The following ATE1 variants were observed in gnomAD, a reference collection of about 807,000 sequenced individuals.
The protein encoded by ATE1 is arginyltransferase 1, also known as arginyl-tRNA--protein transferase 1.
In ATE1, 36 loss-of-function variants were observed where a neutral mutation model predicts 70.5. That is an observed-to-expected ratio of 0.51 (90% CI 0.39 to 0.67). The LOEUF (loss-of-function observed/expected upper bound fraction) is 0.67. Ranked by LOEUF, ATE1 falls within the 30% of genes least tolerant of loss-of-function variation. The pLI, the probability that ATE1 is intolerant of heterozygous loss-of-function variation, is 0.00. For synonymous variants in ATE1, 232 were observed against 219.3 expected, an observed-to-expected ratio of 1.06 and a Z score of -0.51; for missense variants, 593 against 629.5, an observed-to-expected ratio of 0.94 and a Z score of 0.62.
At position 121,867,242 on chromosome 10, in the gene ATE1, C is replaced by A. The variant is rs992943789; in HGVS notation, c.975+2764G>T. On this transcript the variant is annotated intron_variant, in intron 8 of 11. Transcript: ENST00000224652. Reference sequence around the variant, plus strand: ...ACAGGGTCCTCTCTCAATGAGCTTACATTTGAGAGACGTCAACTGTTAAGA... The same window carrying A: ...ACAGGGTCCTCTCTCAATGAGCTTAAATTTGAGAGACGTCAACTGTTAAGA... Among the ~76,000 whole-genome samples the A allele has an allele frequency of 2.6e-5, 4 of 152,168 alleles. No homozygotes were observed. The East Asian group carries it at 7.7e-4, about 29-fold the overall frequency.
chr10:121,841,245 C>A lies in ATE1; in HGVS notation c.994G>T (p.Gly332Trp). The A allele has an allele frequency of 6.6e-7, 1 of 1,520,852 alleles. No individual in the cohort carries two copies. 94.2% of individuals were successfully genotyped at this position (1,520,852 alleles called of 1,614,324 possible). A position where few individuals can be genotyped will look rare whatever the true frequency, so the allele number is the denominator to read the frequency against. ...SPLEAETPPN[G>W]PDCGYGSFHQ... The stretch of plus-strand genomic sequence containing the variant: ...AAGGAGCCATAGCCACAATCTGGCC[C>A]ATTAGGGGGAGTCTCTGCCTAAGAA... Residue 332 changes from glycine (G) to tryptophan (W), a missense_variant, in exon 9 of 12, where the codon GGG becomes TGG. Physicochemically the swap from Gly to Trp is radical, Grantham distance 184 (BLOSUM62 -2). This residue lies in a region of ATE1 where 467 missense variants were observed against 469.6 expected (regional missense o/e 0.99). Coordinates refer to ENST00000224652, the MANE Select transcript of ATE1 (RefSeq NM_001001976.3).
chr10:121,759,723 C>CAAA (rs869041308), intron 11 of ATE1, among the ~76,000 whole-genome samples: 5 of 72,728 alleles, frequency 6.9e-5, no homozygotes, highest in African/African-American at 1.5e-4. Flanking sequence ...GACTCCGTCT[C>CAAA]AAAAAAAAAA....
intron 11 of ATE1, among the ~76,000 whole-genome samples, chr10:121,749,257 C>G (rs926402370): frequency 1.3e-5 from 2 of 152,170 alleles, no homozygotes; most frequent in African/African-American, 4.8e-5. Flanking sequence ...TCTGTAGTTA[C>G]ATTAATTCAA....
intron 11 of ATE1, among the ~76,000 whole-genome samples, chr10:121,786,202 GTTTTTTTTTT>G (rs66781912): frequency 7.1e-5 from 6 of 84,496 alleles, no homozygotes; most frequent in South Asian, 5.7e-4. Flanking sequence ...GCTCAAGAAA[GTTTTTTTTTT>G]TTTTTTTTTT....
chr10:121,751,650 T>C (rs1944583233), intron 11 of ATE1, among the ~76,000 whole-genome samples: 1 of 152,216 alleles, frequency 6.6e-6, no homozygotes, highest in African/African-American at 2.4e-5. Context: ...CCATTGTTAA[T>C]TGGGTTGTCT....
At chr10:121,878,557 C>A (rs765963136) in intron 7 of ATE1, among the ~76,000 whole-genome samples, 22 of 150,736 alleles carry the variant, frequency 1.5e-4, no homozygotes, top group Non-Finnish European at 2.5e-4. Context: ...CACACGACTG[C>A]GCTCCAGCCT....
chr10:121,916,822 G>A (rs980482542), intron 3 of ATE1, among the ~76,000 whole-genome samples: 7 of 148,456 alleles, frequency 4.7e-5, no homozygotes, highest in Non-Finnish European at 8.9e-5. Flanking sequence ...GCAACAAAAC[G>A]AGACTCCGTC....
intron 11 of ATE1, among the ~76,000 whole-genome samples, chr10:121,760,386 T>C (rs1184849327): frequency 6.6e-6 from 1 of 152,242 alleles, no homozygotes; most frequent in East Asian, 1.9e-4. Context: ...GAACATTTAT[T>C]ATTCATGGGA....
chr10:121,799,570 T>C (rs887757595), intron 10 of ATE1, among the ~76,000 whole-genome samples: 3 of 152,176 alleles, frequency 2.0e-5, no homozygotes, highest in Non-Finnish European at 4.4e-5. Flanking sequence ...GAAACAACTG[T>C]TTCATCTTTG....
chr10:121,875,152 A>C (rs1369711790), intron 7 of ATE1, among the ~76,000 whole-genome samples: 1 of 150,672 alleles, frequency 6.6e-6, no homozygotes, highest in Non-Finnish European at 1.5e-5. Flanking sequence ...AAAAAAAAAA[A>C]AAAAAAGACA....
intron 11 of ATE1, among the ~76,000 whole-genome samples, chr10:121,758,069 T>C (rs1944880226): frequency 1.3e-5 from 2 of 152,234 alleles, no homozygotes; most frequent in African/African-American, 4.8e-5. Context: ...AAATGTTAAA[T>C]AGGATAGAGT....
At chr10:121,770,233 A>AACACACACACACACAC (rs3036837) in intron 11 of ATE1, among the ~76,000 whole-genome samples, 1,413 of 136,874 alleles carry the variant, frequency 0.01, 11 homozygotes, top group Admixed American at 0.015. Context: ...ACAAGAGAGA[A>AACACACACACACACAC]ACACACACAC....
chr10:121,854,352 G>A (rs1402002362), intron 8 of ATE1, among the ~76,000 whole-genome samples: 1 of 152,102 alleles, frequency 6.6e-6, no homozygotes, highest in Non-Finnish European at 1.5e-5. Flanking sequence ...CACTAACTGA[G>A]TCAATATTTG....
chr10:121,752,458 T>C (rs1944627228), intron 11 of ATE1, among the ~76,000 whole-genome samples: 1 of 151,930 alleles, frequency 6.6e-6, no homozygotes, highest in Non-Finnish European at 1.5e-5. Context: ...CTCGATCTCC[T>C]GACCTCGTGA....
chr10:121,871,762 T>C (rs1315169617), intron 7 of ATE1, among the ~76,000 whole-genome samples: 1 of 151,922 alleles, frequency 6.6e-6, no homozygotes, highest in African/African-American at 2.4e-5. Context: ...AAAAACAAAA[T>C]GCAAACAGTA....
chr10:121,743,975 T>C, intron 11 of ATE1, 117 bp from the exon 12 acceptor site: 1 of 1,159,192 alleles, frequency 8.6e-7, no homozygotes, highest in Admixed American at 3.3e-5. Flanking sequence ...CAGGCTGGAG[T>C]GCAGTGGCGC....
chr10:121,886,180 T>G (rs1413940344), intron 7 of ATE1, among the ~76,000 whole-genome samples: 1 of 152,076 alleles, frequency 6.6e-6, no homozygotes, highest in Non-Finnish European at 1.5e-5. Context: ...GGCACTGCTT[T>G]GCTCAACATC....
At chr10:121,806,524 A>G (rs1325692830) in intron 10 of ATE1, among the ~76,000 whole-genome samples, 1 of 152,228 alleles carries the variant, frequency 6.6e-6, no homozygotes, top group East Asian at 1.9e-4. Flanking sequence ...AGGGGGGGAA[A>G]GAATAAAATA....
At chr10:121,892,595 C>T (rs1950618739) in intron 7 of ATE1, among the ~76,000 whole-genome samples, 1 of 151,650 alleles carries the variant, frequency 6.6e-6, no homozygotes, top group African/African-American at 2.4e-5. Flanking sequence ...CAACCTCTGC[C>T]TTCCAGGTTG....
Sources: allele counts gnomAD v4.1 joint callset (sites outside exome capture counted in the v4.1 genomes callset), GRCh38; gene constraint gnomAD v4.1.1; regional missense constraint gnomAD v4.1.1; transcripts MANE v1.5; gene names NCBI Gene and HGNC (gene_info 2026-07-23, HGNC 2026-07-21).